The following SRPK2 variants were observed in gnomAD, a reference collection of about 807,000 sequenced individuals.
SRPK2 encodes the protein SRSF protein kinase 2.
Under a neutral mutation model 90.8 loss-of-function variants are expected in SRPK2, and 21 were observed. The ratio of observed to expected loss-of-function variants is 0.23; its 90% CI spans 0.16 to 0.33. The LOEUF is 0.33. Among genes scored for constraint, SRPK2 ranks in the 10% least tolerant of loss-of-function variants. The pLI, the probability that SRPK2 is intolerant of heterozygous loss-of-function variation, is 1.00. For synonymous variants in SRPK2, 288 were observed against 311.1 expected, an observed-to-expected ratio of 0.93 and a Z score of 0.78; for missense variants, 620 against 869.0, an observed-to-expected ratio of 0.71 and a Z score of 3.60.
At chr7:105,199,896 T>TA (rs67036595) in intron 3 of SRPK2, among the ~76,000 whole-genome samples, 70 of 138,006 alleles carry the variant, frequency 5.1e-4, no homozygotes, top group East Asian at 4.5e-3. Context: ...TTGTTTAATT[T>TA]AAAAAAAAAA....
At chr7:105,297,648 C>G (rs1253143044) in intron 2 of SRPK2, 2 of 188,510 alleles carry the variant, frequency 1.1e-5, no homozygotes, top group African/African-American at 2.4e-5. Flanking sequence ...TTCCCCAAAC[C>G]TACAAAGCTC....
intron 2 of SRPK2, among the ~76,000 whole-genome samples, chr7:105,333,650 T>C (rs1814708216): frequency 6.6e-6 from 1 of 152,184 alleles, no homozygotes. Flanking sequence ...CCCTGCTAGT[T>C]CATTTTGTAC....
At chr7:105,384,874 T>C (rs1249992144) in intron 2 of SRPK2, among the ~76,000 whole-genome samples, 1 of 148,158 alleles carries the variant, frequency 6.7e-6, no homozygotes, top group African/African-American at 2.5e-5. Flanking sequence ...ATTCTCCACA[T>C]AGCAACCTTT....
chr7:105,292,558 CT>C (rs955062491), intron 2 of SRPK2, among the ~76,000 whole-genome samples: 11 of 148,454 alleles, frequency 7.4e-5, no homozygotes, highest in African/African-American at 2.7e-4. Context: ...TAACTCCAGG[CT>C]TTTCCTTATT....
At chr7:105,316,264 A>G (rs953640496) in intron 2 of SRPK2, among the ~76,000 whole-genome samples, 2 of 152,160 alleles carry the variant, frequency 1.3e-5, no homozygotes, top group Admixed American at 6.6e-5. Context: ...GTGCCTGGCC[A>G]TCTTGAGGTA....
At chr7:105,357,330 C>T (rs534622459) in intron 2 of SRPK2, among the ~76,000 whole-genome samples, 2 of 152,270 alleles carry the variant, frequency 1.3e-5, no homozygotes, top group African/African-American at 2.4e-5. Context: ...TGAGCCACTG[C>T]GCCCAGCCAA....
At chr7:105,228,752 A>C (rs1289135511) in intron 2 of SRPK2, among the ~76,000 whole-genome samples, 1 of 151,902 alleles carries the variant, frequency 6.6e-6, no homozygotes, top group African/African-American at 2.4e-5. Flanking sequence ...CGTAACACTC[A>C]CTCTGGGGCT....
At chr7:105,209,946 CTAT>C (rs1226883299) in intron 2 of SRPK2, among the ~76,000 whole-genome samples, 1 of 152,084 alleles carries the variant, frequency 6.6e-6, no homozygotes, top group Non-Finnish European at 1.5e-5. Context: ...CAATATCATA[CTAT>C]AATACTAAAA....
intron 13 of SRPK2, among the ~76,000 whole-genome samples, chr7:105,130,948 T>C (rs912949431): frequency 6.6e-6 from 1 of 152,186 alleles, no homozygotes; most frequent in Admixed American, 6.5e-5. Context: ...GAATCTGTTA[T>C]TGATATTTAT....
chr7:105,280,812 T>C (rs1007002769), intron 2 of SRPK2, among the ~76,000 whole-genome samples: 2 of 150,968 alleles, frequency 1.3e-5, no homozygotes, highest in African/African-American at 4.9e-5. Flanking sequence ...CCGGGCGTGG[T>C]GGCGGGCACC....
At chr7:105,294,302 G>A (rs1433276178) in intron 2 of SRPK2, among the ~76,000 whole-genome samples, 1 of 152,164 alleles carries the variant, frequency 6.6e-6, no homozygotes, top group Non-Finnish European at 1.5e-5. Context: ...GTATTCAAAT[G>A]TTAGGTACCT....
chr7:105,388,588 C>G, intron 2 of SRPK2, 60 bp downstream of exon 2: 1 of 1,500,990 alleles, frequency 6.7e-7, no homozygotes, highest in Non-Finnish European at 9.0e-7. Flanking sequence ...CCCTGCGCGG[C>G]CGCGGGCGCC....
intron 2 of SRPK2, among the ~76,000 whole-genome samples, chr7:105,361,162 C>T (rs1231750664): frequency 6.6e-6 from 1 of 152,146 alleles, no homozygotes; most frequent in Admixed American, 6.6e-5. Context: ...CACAAGCATT[C>T]TTATACACCT....
chr7:105,309,419 C>G (rs927667717), intron 2 of SRPK2, among the ~76,000 whole-genome samples: 1 of 152,146 alleles, frequency 6.6e-6, no homozygotes, highest in Non-Finnish European at 1.5e-5. Context: ...AGCTAAAGGC[C>G]TTGAAAATTC....
intron 2 of SRPK2, among the ~76,000 whole-genome samples, chr7:105,353,397 T>G (rs554304816): frequency 3.8e-4 from 58 of 152,266 alleles, no homozygotes; most frequent in African/African-American, 1.3e-3. Context: ...TGGAATGCAG[T>G]GGTGCAATCA....
chr7:105,217,065 T>C (rs988228968), intron 2 of SRPK2, among the ~76,000 whole-genome samples: 17 of 152,220 alleles, frequency 1.1e-4, no homozygotes, highest in African/African-American at 4.1e-4. Flanking sequence ...TACACCTTGA[T>C]ACATTACGCA....
At chr7:105,193,756 C>G (rs1224688844) in intron 3 of SRPK2, among the ~76,000 whole-genome samples, 1 of 152,096 alleles carries the variant, frequency 6.6e-6, no homozygotes, top group Non-Finnish European at 1.5e-5. Flanking sequence ...GAAATATATG[C>G]TCAATGCAGA....
upstream of SRPK2, among the ~76,000 whole-genome samples, chr7:105,390,066 GCTAT>G (rs954615630): frequency 3.3e-5 from 5 of 152,162 alleles, no homozygotes; most frequent in African/African-American, 9.7e-5. Flanking sequence ...TGCCACATTT[GCTAT>G]CTATGTGTCT....
chr7:105,215,005 A>T (rs1436513671), intron 2 of SRPK2, among the ~76,000 whole-genome samples: 1 of 152,266 alleles, frequency 6.6e-6, no homozygotes, highest in East Asian at 1.9e-4. Flanking sequence ...AGACCAATGG[A>T]ACAGAATTGA....
Sources: allele counts gnomAD v4.1 joint callset (sites outside exome capture counted in the v4.1 genomes callset), GRCh38; gene constraint gnomAD v4.1.1; transcripts MANE v1.5; gene names NCBI Gene and HGNC (gene_info 2026-07-23, HGNC 2026-07-21).